Variants in TYW1B observed in about 807,000 individuals in gnomAD.
The protein encoded by TYW1B is S-adenosyl-L-methionine-dependent tRNA 4-demethylwyosine synthase TYW1B.
TYW1B carries 73 observed loss-of-function variants against 86.9 expected under a neutral mutation model. The observed-to-expected ratio is 0.84, with a 90% confidence interval of 0.70 to 1.02. The LOEUF (loss-of-function observed/expected upper bound fraction) is 1.02, where lower values mean the gene tolerates loss of function less well. Ranked by LOEUF, TYW1B falls within the 50% of genes least tolerant of loss-of-function variation. TYW1B has a pLI of 0.00. For synonymous variants in TYW1B, 248 were observed against 292.8 expected (o/e 0.85, Z 1.56); for missense variants, 637 against 827.4 (o/e 0.77, Z 2.82).
chr7:72,763,760 T>G (rs370818442), intron 7 of TYW1B, among the ~76,000 whole-genome samples: 3 of 152,230 alleles, frequency 2.0e-5, no homozygotes, highest in East Asian at 1.9e-4. Flanking sequence ...CAAAATTGTT[T>G]CTGACCTAAA....
chr7:72,675,862 T>C (rs1440134836), intron 11 of TYW1B, among the ~76,000 whole-genome samples: 1 of 152,164 alleles, frequency 6.6e-6, no homozygotes, highest in Non-Finnish European at 1.5e-5. Flanking sequence ...TACAGAATAA[T>C]GTAATAGTTT....
chr7:72,826,089 T>C (rs1426625868), intron 2 of TYW1B, among the ~76,000 whole-genome samples: 2 of 152,312 alleles, frequency 1.3e-5, no homozygotes, highest in Non-Finnish European at 2.9e-5. Flanking sequence ...TCATATAAAC[T>C]TCTTAACTTT....
At chr7:72,743,323 GA>G (rs1787336788) in intron 8 of TYW1B, among the ~76,000 whole-genome samples, 1 of 152,156 alleles carries the variant, frequency 6.6e-6, no homozygotes, top group Admixed American at 6.5e-5. Context: ...AGGTGGGTGG[GA>G]TACTAGAAGA....
intron 8 of TYW1B, among the ~76,000 whole-genome samples, chr7:72,729,195 T>C (rs1787060973): frequency 2.0e-5 from 3 of 152,146 alleles, no homozygotes; most frequent in South Asian, 4.1e-4. Context: ...GACAGAACAC[T>C]CTCTGCTGCT....
intron 11 of TYW1B, among the ~76,000 whole-genome samples, chr7:72,665,806 T>C (rs1813448904): frequency 6.6e-6 from 1 of 152,234 alleles, no homozygotes; most frequent in Non-Finnish European, 1.5e-5. Flanking sequence ...TTACCAGATA[T>C]TAAGCACTCA....
At chr7:72,670,739 C>CG (rs1813580737) in intron 11 of TYW1B, among the ~76,000 whole-genome samples, 1 of 152,052 alleles carries the variant, frequency 6.6e-6, no homozygotes, top group Non-Finnish European at 1.5e-5. Flanking sequence ...TTCCAAAAGG[C>CG]GGGGGAATAA....
At chr7:72,666,758 G>A (rs1482038835) in intron 11 of TYW1B, among the ~76,000 whole-genome samples, 7 of 151,962 alleles carry the variant, frequency 4.6e-5, no homozygotes, top group Admixed American at 6.6e-5. Context: ...CCAGTCGGGC[G>A]CGGTGGCTCA....
intron 10 of TYW1B, among the ~76,000 whole-genome samples, chr7:72,703,659 A>G (rs569503807): frequency 6.6e-6 from 1 of 152,002 alleles, no homozygotes; most frequent in Non-Finnish European, 1.5e-5. Context: ...GTTCGAGACC[A>G]GCCTAGCCAA....
chr7:72,802,353 T>C (rs1170961684), intron 6 of TYW1B, 47 bp downstream of exon 6: 1 of 1,610,790 alleles, frequency 6.2e-7, no homozygotes, highest in Non-Finnish European at 8.5e-7. Flanking sequence ...TACTAAATGT[T>C]AACCAACTGC....
At chr7:72,634,342 C>CTTTTTTT (rs782580354) in intron 11 of TYW1B, among the ~76,000 whole-genome samples, 1 of 132,674 alleles carries the variant, frequency 7.5e-6, no homozygotes, top group Non-Finnish European at 1.6e-5. Flanking sequence ...CCACTCCTAG[C>CTTTTTTT]TTTTTTTTTT....
chr7:72,575,322 C>T lies in TYW1B; in HGVS notation c.*176G>A. 7.0e-7 allele frequency: 1 copy of T among 1,433,616 alleles called. No homozygotes were observed. Among genetic ancestry groups the T allele is most frequent in the South Asian group, 1.6e-5 (1 of 63,614 alleles). 88.8% of individuals were successfully genotyped at this position (1,433,616 alleles called of 1,614,324 possible). ...CTGAAAAGAAACATCGGGGCTGTGG[C>T]CCAGGCCCTCTGAGTGTGGACGCTG... On this transcript the variant is annotated 3_prime_UTR_variant, in exon 14 of 14. Coordinates refer to ENST00000620995, the MANE Select transcript of TYW1B (RefSeq NM_001145440.3).
At chr7:72,788,404 C>G (rs1393722711) in intron 6 of TYW1B, among the ~76,000 whole-genome samples, 2 of 152,302 alleles carry the variant, frequency 1.3e-5, no homozygotes, top group Non-Finnish European at 2.9e-5. Flanking sequence ...CTTAGGGGAT[C>G]AGAAGTTTTT....
At chr7:72,717,318 AT>A (rs1235702569) in intron 9 of TYW1B, among the ~76,000 whole-genome samples, 2 of 151,470 alleles carry the variant, frequency 1.3e-5, no homozygotes, top group East Asian at 1.9e-4. Flanking sequence ...AAAAAAAAAA[AT>A]CATGCAGTTT....
intron 11 of TYW1B, among the ~76,000 whole-genome samples, chr7:72,631,299 G>C (rs1812483772): frequency 1.3e-5 from 2 of 152,262 alleles, no homozygotes; most frequent in East Asian, 3.9e-4. Context: ...GCTCACTTGA[G>C]GTCAGGAGTT....
intron 11 of TYW1B, among the ~76,000 whole-genome samples, chr7:72,659,597 A>G (rs1434171800): frequency 6.6e-6 from 1 of 152,186 alleles, no homozygotes; most frequent in Non-Finnish European, 1.5e-5. Flanking sequence ...AAAAGAAAAA[A>G]ACAAAAAACT....
intron 3 of TYW1B, among the ~76,000 whole-genome samples, chr7:72,812,139 G>T (rs576510545): frequency 6.1e-5 from 9 of 146,580 alleles, no homozygotes; most frequent in East Asian, 2.0e-4. Context: ...TTTTAGAGGT[G>T]TTTTTTTTTT....
At chr7:72,646,237 T>A (rs1224289690) in intron 11 of TYW1B, among the ~76,000 whole-genome samples, 1 of 151,870 alleles carries the variant, frequency 6.6e-6, no homozygotes, top group African/African-American at 2.4e-5. Context: ...TTATTTTTAA[T>A]TTTTTTGTAG....
Position 72,817,072 on chromosome 7 carries a change from G to C in TYW1B, c.136-1591C>G, listed in dbSNP as rs577984330. Among the ~76,000 whole-genome samples, 19 of 152,274 alleles carry C rather than the reference G, an allele frequency of 1.2e-4. 1 individual carries two copies. Among genetic ancestry groups the C allele is most frequent in the Non-Finnish European group, 1.9e-4 (13 of 68,022 alleles). ...AGTGGGGGCAGTCTTGTGGGCTAAT[G>C]ATAACTCCCAATAGTAAGCATGAGA... On this transcript the variant is annotated intron_variant, in intron 2 of 13. Transcript: ENST00000620995.
Position 72,740,171 on chromosome 7 carries a change from T to C in TYW1B, c.1082+4313A>G, listed in dbSNP as rs184206376. On this transcript the variant is annotated intron_variant, in intron 8 of 13. Transcript: ENST00000620995. ...TGGCATGAACCTGGGAGGTGGAGCT[T>C]GCAGTGAGCCGAGATTGCACCACTG... Among the ~76,000 whole-genome samples, 104 of 151,678 alleles carry C rather than the reference T, an allele frequency of 6.9e-4. 1 individual carries two copies. The highest frequency in any genetic ancestry group is 5.3e-3 in the Admixed American group (81 of 15,228).
Sources: allele counts gnomAD v4.1 joint callset (sites outside exome capture counted in the v4.1 genomes callset), GRCh38; gene constraint gnomAD v4.1.1; transcripts MANE v1.5; gene names NCBI Gene and HGNC (gene_info 2026-07-23, HGNC 2026-07-21).